Variants in PHACTR4 observed in about 807,000 individuals in gnomAD.
PHACTR4 encodes protein phosphatase 1, regulatory subunit 124.
PHACTR4 carries 51 observed loss-of-function variants against 72.7 expected under a neutral mutation model. The observed-to-expected ratio is 0.70, with a 90% CI of 0.56 to 0.89. The LOEUF is 0.89. PHACTR4 is among the 40% of genes least tolerant of loss of function. The pLI is 0.00. For missense variants in PHACTR4, 731 were observed against 861.8 expected, an observed-to-expected ratio of 0.85 and a Z score of 1.90; for synonymous variants, 255 against 302.5, an observed-to-expected ratio of 0.84 and a Z score of 1.63.
At chr1:28,410,372 A>G (rs1171306585) in intron 2 of PHACTR4, among the ~76,000 whole-genome samples, 1 of 152,214 alleles carries the variant, frequency 6.6e-6, no homozygotes, top group African/African-American at 2.4e-5. Context: ...GAACATGACC[A>G]TATGATAAAC....
intron 2 of PHACTR4, among the ~76,000 whole-genome samples, chr1:28,445,726 TA>T (rs777467891): frequency 1.6e-4 from 25 of 152,004 alleles, no homozygotes; most frequent in Non-Finnish European, 3.5e-4. Context: ...CCCCCATCTC[TA>T]CAAAAAAAAT....
intron 1 of PHACTR4, among the ~76,000 whole-genome samples, chr1:28,384,612 C>T (rs534982307): frequency 6.6e-6 from 1 of 152,158 alleles, no homozygotes; most frequent in South Asian, 2.1e-4. Flanking sequence ...AGACCCAACT[C>T]CACCAGGCGC....
At chr1:28,440,192 C>T (rs1269293708) in intron 2 of PHACTR4, among the ~76,000 whole-genome samples, 1 of 150,172 alleles carries the variant, frequency 6.7e-6, no homozygotes, top group Non-Finnish European at 1.5e-5. Context: ...GCCCCAGCTA[C>T]TCGGGAGGCT....
intron 2 of PHACTR4, among the ~76,000 whole-genome samples, chr1:28,456,978 T>C (rs1287005646): frequency 6.6e-6 from 1 of 152,094 alleles, no homozygotes; most frequent in Admixed American, 6.6e-5. Flanking sequence ...TCATGTAAAG[T>C]GTTAAAGTAA....
intron 11 of PHACTR4, among the ~76,000 whole-genome samples, 173 bp downstream of exon 11, chr1:28,491,185 A>C (rs561255386): frequency 6.6e-6 from 1 of 151,602 alleles, no homozygotes; most frequent in East Asian, 1.9e-4. Context: ...CCTGGGGAAA[A>C]CAGTGAAACC....
intron 6 of PHACTR4, among the ~76,000 whole-genome samples, chr1:28,472,136 C>G (rs1231042945): frequency 6.6e-6 from 1 of 151,490 alleles, no homozygotes; most frequent in East Asian, 1.9e-4. Context: ...TGGTGTGAAC[C>G]CGGGAGGCAG....
chr1:28,491,159 A>T, intron 11 of PHACTR4, 147 bp downstream of exon 11: 1 of 716,718 alleles, frequency 1.4e-6, no homozygotes, highest in Non-Finnish European at 2.3e-6. Flanking sequence ...GCTTGAGCCC[A>T]GGAGTTCAAG....
At chr1:28,450,232 G>A (rs74064843) in intron 2 of PHACTR4, among the ~76,000 whole-genome samples, 15,749 of 151,148 alleles carry the variant, frequency 0.1, 1,886 homozygotes, top group African/African-American at 0.3. Context: ...ACACACAATT[G>A]TAAAACTATA....
intron 2 of PHACTR4, among the ~76,000 whole-genome samples, chr1:28,449,138 G>C (rs1329635374): frequency 6.6e-6 from 1 of 152,004 alleles, no homozygotes; most frequent in Admixed American, 6.6e-5. Flanking sequence ...GTGAGACACT[G>C]TCTCAAAACA....
At chr1:28,483,071 T>A (rs1049999058) in intron 9 of PHACTR4, among the ~76,000 whole-genome samples, 1 of 151,914 alleles carries the variant, frequency 6.6e-6, no homozygotes, top group Non-Finnish European at 1.5e-5. Context: ...TAAACATAAT[T>A]ATCAGCCTGT....
In PHACTR4 at chr1:28,400,640, C is replaced by T. The variant is rs372960784; in HGVS notation, c.-38-6770C>T. On this transcript the variant is annotated intron_variant, in intron 1 of 13. Transcript: ENST00000373839. ...TGTCACCCAGGCTGGAGTGCAGTGG[C>T]GCAATCTCAGCTTAGTGCAACCTCT... Among the ~76,000 whole-genome samples the T allele has an allele frequency of 2.0e-3, 304 of 151,888 alleles. 14 individuals carry two copies. The South Asian group carries it at 0.06, about 30-fold the overall frequency.
At chr1:28,461,840 G>A (rs989178037) in intron 4 of PHACTR4, among the ~76,000 whole-genome samples, 1 of 142,698 alleles carries the variant, frequency 7.0e-6, no homozygotes, top group Non-Finnish European at 1.5e-5. Context: ...GCTATGCGAT[G>A]TTTTCTTTCT....
intron 1 of PHACTR4, among the ~76,000 whole-genome samples, chr1:28,372,628 G>T (rs900216820): frequency 6.6e-6 from 1 of 151,958 alleles, no homozygotes; most frequent in African/African-American, 2.4e-5. Context: ...GAGGCAGGCA[G>T]ATCACCTAAG....
chr1:28,411,530 T>C (rs1654789412), intron 2 of PHACTR4, among the ~76,000 whole-genome samples: 1 of 152,204 alleles, frequency 6.6e-6, no homozygotes, highest in African/African-American at 2.4e-5. Context: ...TATACACACA[T>C]ATACATATGA....
At chr1:28,381,611 T>C (rs1021786167) in intron 1 of PHACTR4, among the ~76,000 whole-genome samples, 8 of 152,106 alleles carry the variant, frequency 5.3e-5, no homozygotes, top group Admixed American at 3.3e-4. Context: ...CCTATTTTTT[T>C]ACTTTTTAAT....
chr1:28,464,804 G>A (rs969621514), intron 4 of PHACTR4, among the ~76,000 whole-genome samples: 1 of 151,828 alleles, frequency 6.6e-6, no homozygotes, highest in Admixed American at 6.6e-5. Context: ...CCTGGGTTCA[G>A]TTGATTCTCC....
At chr1:28,458,997 A>T in intron 2 of PHACTR4, 88 bp from the exon 3 acceptor site, 1 of 1,227,642 alleles carries the variant, frequency 8.1e-7, no homozygotes, top group Non-Finnish European at 1.1e-6. Flanking sequence ...CTTTCCAACT[A>T]CCACAGGAAG....
chr1:28,371,661 T>C (rs2124085877), intron 1 of PHACTR4, among the ~76,000 whole-genome samples: 1 of 152,082 alleles, frequency 6.6e-6, no homozygotes, highest in South Asian at 2.1e-4. Flanking sequence ...TGCAGTGAGT[T>C]GAGCACTGCT....
intron 7 of PHACTR4, among the ~76,000 whole-genome samples, chr1:28,475,796 G>A (rs941751930): frequency 6.9e-6 from 1 of 144,464 alleles, no homozygotes; most frequent in Non-Finnish European, 1.5e-5. Flanking sequence ...GCACAATCTC[G>A]GTTCACTTCA....
Sources: gnomAD v4.1 joint callset for allele counts (sites outside exome capture counted in the v4.1 genomes callset) on GRCh38, gnomAD v4.1.1 for gene constraint, MANE v1.5 for transcripts, NCBI Gene and HGNC (gene_info 2026-07-23, HGNC 2026-07-21) for gene names.